ZNF365: variants seen among roughly 807,000 people sequenced by gnomAD.
ZNF365 encodes the protein protein ZNF365.
ZNF365 carries 22 observed loss-of-function variants against 35.0 expected under a neutral mutation model. The observed-to-expected ratio is 0.63, with a 90% CI of 0.45 to 0.90. ZNF365 has a LOEUF of 0.90. ZNF365 is among the 40% of genes least tolerant of loss of function. The pLI is 0.00. For missense variants in ZNF365, 448 were observed against 500.3 expected (o/e 0.90, Z 1.00); for synonymous variants, 188 against 196.2 (o/e 0.96, Z 0.35).
At chr10:62,466,745 C>A (rs1840950051) in intron 4 of ZNF365, among the ~76,000 whole-genome samples, 1 of 151,810 alleles carries the variant, frequency 6.6e-6, no homozygotes, top group African/African-American at 2.4e-5. Flanking sequence ...TTTTGCCTAA[C>A]CAGAGCATTC....
chr10:62,449,190 A>G (rs1414124980), intron 3 of ZNF365, among the ~76,000 whole-genome samples: 2 of 152,190 alleles, frequency 1.3e-5, no homozygotes, highest in African/African-American at 4.8e-5. Context: ...ACTATTTATC[A>G]GTTGTGTTAT....
intron 3 of ZNF365, among the ~76,000 whole-genome samples, chr10:62,445,019 C>T (rs1274843415): frequency 6.6e-6 from 1 of 151,666 alleles, no homozygotes; most frequent in Non-Finnish European, 1.5e-5. Flanking sequence ...AGTGAGAACA[C>T]GAGGTGTTTG....
chr10:62,452,153 T>G (rs1336909724), intron 3 of ZNF365, among the ~76,000 whole-genome samples: 2 of 152,174 alleles, frequency 1.3e-5, no homozygotes, highest in African/African-American at 4.8e-5. Context: ...ACCTGTGCCA[T>G]GAAACAAATT....
intron 3 of ZNF365, among the ~76,000 whole-genome samples, chr10:62,391,606 C>T (rs1188858412): frequency 2.0e-5 from 3 of 152,170 alleles, no homozygotes; most frequent in East Asian, 1.9e-4. Flanking sequence ...TGGTATTCCA[C>T]GGTATATATA....
intron 3 of ZNF365, among the ~76,000 whole-genome samples, chr10:62,423,245 G>C (rs996501250): frequency 1.3e-5 from 2 of 151,830 alleles, no homozygotes; most frequent in Non-Finnish European, 2.9e-5. Context: ...TTCTAAAGGA[G>C]TTAGTATAGT....
intron 3 of ZNF365, among the ~76,000 whole-genome samples, chr10:62,422,992 A>G (rs1198213794): frequency 6.6e-6 from 1 of 152,156 alleles, no homozygotes. Context: ...GGAAGGAAAT[A>G]TTTGGGCCTC....
Position 62,401,946 on chromosome 10 carries a change from GAC to G in ZNF365, c.*2158_*2159del. The stretch of plus-strand genomic sequence containing the variant: ...TTTTTTTACGTTCCCACTAAATTTT[GAC>G]CCCATATAAAGAAATGTGTTATGTA... On this transcript the variant is annotated 3_prime_UTR_variant, in exon 5 of 5. Transcript: ENST00000395254. 1 of 985,352 alleles carries G rather than the reference GAC, an allele frequency of 1.0e-6. No individual in the cohort carries two copies. The highest frequency in any genetic ancestry group is 1.2e-6 in the Non-Finnish European group (1 of 829,858). 61.0% of individuals were successfully genotyped at this position (985,352 alleles called of 1,614,324 possible).
chr10:62,474,105 C>T (rs1841089112), intron 4 of ZNF365, among the ~76,000 whole-genome samples: 1 of 152,190 alleles, frequency 6.6e-6, no homozygotes. Context: ...GTAGAGTGTT[C>T]CCAGAAATTG....
rs77702278 is a variant in ZNF365 at position 62,401,763 on chromosome 10, T to G, written c.*1974T>G. ...CAATGACAACTTGTTTCTGTTTTAT[T>G]TAAAGTAACTGACATTTTGGATTTT... On this transcript the variant is annotated 3_prime_UTR_variant, in exon 5 of 5. Coordinates refer to ENST00000395254, the MANE Select transcript of ZNF365 (RefSeq NM_014951.3). 617 of 985,554 alleles carry G rather than the reference T, an allele frequency of 6.3e-4. 1 individual carries two copies. In the African/African-American group the frequency reaches 6.4e-3, roughly 10 times the overall value. 61.1% of individuals were successfully genotyped at this position (985,554 alleles called of 1,614,324 possible). A position where few individuals can be genotyped will look rare whatever the true frequency, so the allele number is the denominator to read the frequency against.
intron 3 of ZNF365, among the ~76,000 whole-genome samples, chr10:62,444,330 G>C (rs576782618): frequency 6.6e-6 from 1 of 152,190 alleles, no homozygotes; most frequent in African/African-American, 2.4e-5. Flanking sequence ...CAGGAGAGTG[G>C]GAAGAGAGGT....
intron 2 of ZNF365, among the ~76,000 whole-genome samples, chr10:62,377,799 G>A (rs568513421): frequency 6.6e-6 from 1 of 152,264 alleles, no homozygotes; most frequent in Non-Finnish European, 1.5e-5. Flanking sequence ...AGAAATTCAT[G>A]GAATCAAAGG....
intron 4 of ZNF365, among the ~76,000 whole-genome samples, chr10:62,464,799 A>G (rs574636691): frequency 6.6e-6 from 1 of 152,228 alleles, no homozygotes; most frequent in Non-Finnish European, 1.5e-5. Flanking sequence ...CATAAGAGAA[A>G]TTGTTAATTG....
chr10:62,423,570 CAT>C (rs1006445319), intron 3 of ZNF365, among the ~76,000 whole-genome samples: 9 of 151,942 alleles, frequency 5.9e-5, no homozygotes, highest in African/African-American at 2.2e-4. Flanking sequence ...TAGGATGTGA[CAT>C]GTGCTCATCT....
intron 3 of ZNF365, among the ~76,000 whole-genome samples, chr10:62,394,714 A>G (rs1031001417): frequency 2.6e-5 from 4 of 152,228 alleles, no homozygotes; most frequent in Non-Finnish European, 4.4e-5. Flanking sequence ...TTCAGCAAAG[A>G]CACTAAATGG....
At chr10:62,384,186 C>G (rs1238800949) in intron 2 of ZNF365, among the ~76,000 whole-genome samples, 1 of 151,472 alleles carries the variant, frequency 6.6e-6, no homozygotes, top group East Asian at 1.9e-4. Context: ...TTCCCCAACA[C>G]TGGTCTGCAC....
intron 3 of ZNF365, among the ~76,000 whole-genome samples, chr10:62,451,855 A>G (rs1320363564): frequency 1.3e-5 from 2 of 152,154 alleles, no homozygotes; most frequent in African/African-American, 4.8e-5. Flanking sequence ...CCAACATTCC[A>G]AACTGGAGGA....
intron 3 of ZNF365, among the ~76,000 whole-genome samples, chr10:62,398,394 C>G (rs1839766761): frequency 6.6e-6 from 1 of 152,152 alleles, no homozygotes; most frequent in Admixed American, 6.5e-5. Context: ...GGGAACTAAG[C>G]TATGAGGATG....
intron 3 of ZNF365, among the ~76,000 whole-genome samples, chr10:62,436,963 A>G (rs2132461280): frequency 6.6e-6 from 1 of 152,310 alleles, no homozygotes; most frequent in African/African-American, 2.4e-5. Flanking sequence ...CAAGACCTAT[A>G]AGCAGATGGA....
At chr10:62,480,256 G>A (rs1033031688) in exon 5 of ZNF365, 2 of 1,010,480 alleles carry the variant, frequency 2.0e-6, no homozygotes, top group African/African-American at 3.4e-5. Context: ...CAGGTACTCA[G>A]TTGTTAAATA....
Sources: allele counts gnomAD v4.1 joint callset (sites outside exome capture counted in the v4.1 genomes callset), GRCh38; gene constraint gnomAD v4.1.1; transcripts MANE v1.5; gene names NCBI Gene and HGNC (gene_info 2026-07-23, HGNC 2026-07-21).